Variants in ZNF551 observed in about 807,000 individuals in gnomAD.
ZNF551 encodes zinc finger protein 551.
Under a neutral mutation model 7.9 loss-of-function variants are expected in ZNF551, and 5 were observed. The observed-to-expected ratio is 0.63, with a 90% CI of 0.33 to 1.33. The LOEUF is 1.33. Ranked by LOEUF, ZNF551 falls within the 40% of genes most tolerant of loss-of-function variation. The pLI is 0.05. For missense variants in ZNF551, 788 were observed against 825.2 expected, an observed-to-expected ratio of 0.95 and a Z score of 0.55; for synonymous variants, 287 against 277.3, an observed-to-expected ratio of 1.03 and a Z score of -0.35.
intron 1 of ZNF551, 84 bp from the exon 2 acceptor site, chr19:57,685,178 G>T: frequency 1.9e-6 from 3 of 1,569,170 alleles, no homozygotes; most frequent in Non-Finnish European, 2.6e-6. Context: ...GTGGGCAATA[G>T]GGTGACCTGG....
rs1984730957 is a variant in ZNF551 at position 57,690,492 on chromosome 19, T to C, written c.*2204T>C. 2.6e-5 allele frequency: 4 copies of C among 152,178 alleles called. No homozygotes were observed. The allele number at this position is 152,178 out of a possible 1,614,324, so 9.4% of individuals were successfully genotyped here. A position where few individuals can be genotyped will look rare whatever the true frequency, so the allele number is the denominator to read the frequency against. ...ATATACTTACTGGTTTTCTTCATGC[T>C]GTATAATTATTTTGAGATTCAAAAA... On this transcript the variant is annotated 3_prime_UTR_variant, in exon 3 of 3. Transcript: ENST00000282296.
In ZNF551 at chr19:57,682,235, C is replaced by G. The variant is rs1395893415; in HGVS notation, c.72C>G (p.Asp24Glu). The part of the protein sequence containing the change: ...RSSMAAVALR[D>E]SAQGMTFEDV... Reference sequence around the variant, plus strand: ...CAATGGCGGCAGTCGCGCTGAGGGACTCGGCTCAGGTGAGTTGTGCGTCCT... The same window carrying G: ...CAATGGCGGCAGTCGCGCTGAGGGAGTCGGCTCAGGTGAGTTGTGCGTCCT... The change falls in exon 1 of 3, where the codon GAC becomes GAG. Residue 24 changes from aspartate (D) to glutamate (E), a missense_variant. By Grantham distance (45) the Asp-to-Glu change is conservative. Coordinates refer to ENST00000282296, the MANE Select transcript of ZNF551 (RefSeq NM_138347.5). The G allele has an allele frequency of 6.4e-7, 1 of 1,550,612 alleles. No individual in the cohort carries two copies.
chr19:57,684,171 A>G (rs374688700), intron 1 of ZNF551, among the ~76,000 whole-genome samples: 8 of 152,256 alleles, frequency 5.3e-5, no homozygotes, highest in Admixed American at 3.3e-4. Context: ...CCTTCATGGT[A>G]TGACTTGAGG....
chr19:57,687,724 C>T lies in ZNF551; in HGVS notation c.1449C>T (p.Ser483=), dbSNP rs778004720. 5.6e-6 allele frequency: 9 copies of T among 1,613,880 alleles called. No homozygotes were observed. The highest frequency in any genetic ancestry group is 1.3e-5 in the African/African-American group (1 of 74,868). ...ATGAGTGCAGTGAATGTGAGAAATC[C>T]TTTAGCCGCAAATTTATCCTGATTC... ...RPYECSECEK[S]FSRKFILIQH... Residue 483 remains serine (S), a synonymous_variant, in exon 3 of 3, where the codon TCC becomes TCT. Transcript: ENST00000282296.
intron 1 of ZNF551, 89 bp downstream of exon 1, chr19:57,682,333 C>G: frequency 7.2e-7 from 1 of 1,386,240 alleles, no homozygotes; most frequent in Non-Finnish European, 9.8e-7. Context: ...GCCCTGCAGC[C>G]CAGGCCCCAG....
intron 1 of ZNF551, among the ~76,000 whole-genome samples, 174 bp from the exon 2 acceptor site, chr19:57,685,088 C>T (rs977529146): frequency 1.3e-5 from 2 of 152,122 alleles, no homozygotes; most frequent in Admixed American, 1.3e-4. Context: ...CCTGTTGTTG[C>T]TATTCGAGGA....
Position 57,688,191 on chromosome 19 carries a change from G to T in ZNF551, c.1916G>T (p.Gly639Val). ...DLIQHQRVHT[G>V]ERPYECSECG... ...ATTCAGCACCAAAGAGTTCACACTG[G>T]AGAAAGGCCTTATGAATGCAGTGAA... is the stretch of plus-strand genomic sequence containing the variant. Residue 639 changes from glycine (G) to valine (V), a missense_variant, in exon 3 of 3, where the codon GGA (glycine) becomes GTA (valine). Coordinates refer to ENST00000282296, the MANE Select transcript of ZNF551 (RefSeq NM_138347.5). The T allele has an allele frequency of 6.2e-7, 1 of 1,614,220 alleles. No individual in the cohort carries two copies. Among genetic ancestry groups the T allele is most frequent in the Non-Finnish European group, 8.5e-7 (1 of 1,180,040 alleles).
rs140993258 is a variant in ZNF551, at chr19:57,687,210, G to A, written c.935G>A (p.Arg312His). ...TGERPYECSD[R>H]EKAFIHKSEF... ...GAAAGGCCTTATGAATGCAGTGATC[G>A]TGAGAAAGCCTTTATCCATAAATCT... Residue 312 changes from arginine to histidine, a missense_variant, in exon 3 of 3, where the codon CGT becomes CAT. Physicochemically the swap from Arg to His is conservative, Grantham distance 29. Coordinates refer to ENST00000282296, the MANE Select transcript of ZNF551 (RefSeq NM_138347.5). 2.5e-5 allele frequency: 40 copies of A among 1,614,072 alleles called. No homozygotes were observed. Among genetic ancestry groups the A allele is most frequent in the African/African-American group, 1.5e-4 (11 of 74,932 alleles).
In ZNF551 at chr19:57,686,981, C is replaced by A; in HGVS notation, c.706C>A (p.His236Asn). The A allele has an allele frequency of 1.2e-6, 2 of 1,614,208 alleles. No individual in the cohort carries two copies. Among genetic ancestry groups the A allele is most frequent in the Non-Finnish European group, 1.7e-6 (2 of 1,180,034 alleles). ...GEYRKASSHK[H>N]TLVQHQSVCS... ...ATACAGAAAAGCTTCAAGCCACAAA[C>A]ACACACTTGTTCAGCATCAGAGTGT... The change falls in exon 3 of 3, where the codon CAC becomes AAC. Residue 236 changes from histidine to asparagine, a missense_variant. Physicochemically the swap from His to Asn is moderately conservative, Grantham distance 68. Transcript: ENST00000282296.
rs1984566968 is a variant in ZNF551, at chr19:57,686,706, G to A, written c.431G>A (p.Ser144Asn). ...ACAAGCATGAGAGGCTTCTGCTTCA[G>A]TGCTGACCTTCACCAGCATCAAAAG... ...GSTSMRGFCF[S>N]ADLHQHQKHY... The change falls in exon 3 of 3, where the codon AGT becomes AAT. Residue 144 changes from serine to asparagine, a missense_variant. Ser to Asn is a conservative substitution (Grantham distance 46). Coordinates refer to ENST00000282296, the MANE Select transcript of ZNF551 (RefSeq NM_138347.5). The A allele has an allele frequency of 1.2e-6, 2 of 1,614,090 alleles. No homozygotes were observed. The highest frequency in any genetic ancestry group is 1.7e-5 in the Admixed American group (1 of 60,006).
Position 57,690,474 on chromosome 19 carries a change from TACTG to T in ZNF551, c.*2187_*2190del, listed in dbSNP as rs1441194085. 1.3e-5 allele frequency: 2 copies of T among 152,084 alleles called. No homozygotes were observed. The highest frequency in any genetic ancestry group is 2.9e-5 in the Non-Finnish European group (2 of 68,006). The allele number at this position is 152,084 out of a possible 1,614,324, so 9.4% of individuals were successfully genotyped here. On this transcript the variant is annotated 3_prime_UTR_variant, in exon 3 of 3. Transcript: ENST00000282296. ...ATGTGTGTGTGTATATATATATACT[TACTG>T]GTTTTCTTCATGCTGTATAATTATT...
chr19:57,687,843 G>T lies in ZNF551; in HGVS notation c.1568G>T (p.Arg523Ile), dbSNP rs780116235. The T allele has an allele frequency of 6.2e-7, 1 of 1,614,172 alleles. No homozygotes were observed. Among genetic ancestry groups the T allele is most frequent in the Admixed American group, 1.7e-5 (1 of 60,024 alleles). The change falls in exon 3 of 3, where the codon AGA becomes ATA. Residue 523 changes from arginine to isoleucine, a missense_variant. Arg to Ile is a moderately conservative substitution (Grantham distance 97). Coordinates refer to ENST00000282296, the MANE Select transcript of ZNF551 (RefSeq NM_138347.5). ...TRKSDLIQHRRIHTGTRPYEC... is the reference protein window; with the variant it reads ...TRKSDLIQHRIIHTGTRPYEC... The stretch of plus-strand genomic sequence containing the variant: ...AAATCTGACCTCATTCAACACCGGA[G>T]AATTCATACTGGCACAAGACCTTAT...
chr19:57,687,918 A>G lies in ZNF551; in HGVS notation c.1643A>G (p.Gln548Arg). 6.2e-7 allele frequency: 1 copy of G among 1,614,210 alleles called. No individual in the cohort carries two copies. The highest frequency in any genetic ancestry group is 1.3e-5 in the African/African-American group (1 of 75,062). ...KSFRQRSGLI[Q>R]HRRLHTGERP... Reference sequence around the variant, plus strand: ...TTTAGACAGCGCTCTGGCCTCATTCAGCACCGGAGACTTCATACTGGAGAA... The same window carrying G: ...TTTAGACAGCGCTCTGGCCTCATTCGGCACCGGAGACTTCATACTGGAGAA... The change falls in exon 3 of 3, where the codon CAG (glutamine) becomes CGG (arginine). Residue 548 changes from glutamine to arginine, a missense_variant. Transcript: ENST00000282296.
rs1984610776 is a variant in ZNF551, at chr19:57,687,517, T to C, written c.1242T>C (p.Thr414=). 6.2e-7 allele frequency: 1 copy of C among 1,614,066 alleles called. No homozygotes were observed. The highest frequency in any genetic ancestry group is 1.3e-5 in the African/African-American group (1 of 74,934). ...TCATTCGACATAGAAGAGTTCACAC[T>C]GGAGAAATGCCTTATCAGTGCAGTG... ...FNLIRHRRVH[T]GEMPYQCSDC... is the part of the protein sequence containing the mutation. The change falls in exon 3 of 3, where the codon ACT becomes ACC. Residue 414 remains threonine (T), a synonymous_variant. Transcript: ENST00000282296.
At chr19:57,683,783 A>G (rs912381322) in intron 1 of ZNF551, among the ~76,000 whole-genome samples, 5 of 152,166 alleles carry the variant, frequency 3.3e-5, no homozygotes, top group African/African-American at 7.2e-5. Context: ...CATGTGGCCA[A>G]GGCTTCTCAG....
Position 57,686,527 on chromosome 19 carries a change from T to G in ZNF551, c.252T>G (p.Ser84Arg), listed in dbSNP as rs909316840. 2 of 1,614,022 alleles carry G rather than the reference T, an allele frequency of 1.2e-6. No homozygotes were observed. The highest frequency in any genetic ancestry group is 1.7e-6 in the Non-Finnish European group (2 of 1,179,944). Residue 84 changes from serine (S) to arginine (R), a missense_variant, in exon 3 of 3, where the codon AGT becomes AGG. Transcript: ENST00000282296. ...ATGAGGCGATAGCTTCTGAGCAGAG[T>G]GTATCTATACAGGTCAGGACTTCTA... is the stretch of plus-strand genomic sequence containing the variant. ...MENEAIASEQSVSIQVRTSKG... is the reference protein window; with the variant it reads ...MENEAIASEQRVSIQVRTSKG...
At chr19:57,686,310 C>T (rs78289279) in intron 2 of ZNF551, among the ~76,000 whole-genome samples, 171 bp from the exon 3 acceptor site, 3,311 of 152,292 alleles carry the variant, frequency 0.022, 132 homozygotes, top group African/African-American at 0.075. Context: ...GAGATGACAT[C>T]TCTAAAATCT....
At position 57,682,033 on chromosome 19, in the gene ZNF551, G is replaced by C; in HGVS notation, c.-131G>C. ...TTTTGGCCTCTGTCCTGTTTGTCCA[G>C]CCCGCCAGTTTCTGCAGTGGAGGTC... On this transcript the variant is annotated 5_prime_UTR_variant, in exon 1 of 3. Transcript: ENST00000282296. 3 of 989,448 alleles carry C rather than the reference G, an allele frequency of 3.0e-6. No homozygotes were observed. Among genetic ancestry groups the C allele is most frequent in the East Asian group, 5.5e-5 (2 of 36,232 alleles). The allele number at this position is 989,448 out of a possible 1,614,324, so 61.3% of individuals were successfully genotyped here.
chr19:57,689,890 G>T lies in ZNF551; in HGVS notation c.*1602G>T, dbSNP rs959872445. 6.6e-6 allele frequency: 1 copy of T among 152,196 alleles called. No individual in the cohort carries two copies. The highest frequency in any genetic ancestry group is 1.5e-5 in the Non-Finnish European group (1 of 68,050). The allele number at this position is 152,196 out of a possible 1,614,324, so 9.4% of individuals were successfully genotyped here. ...CCTCAAGGCCATTGCTATGCAGGTA[G>T]GAGAACAAGAATAGAGAGAAGGATC... On this transcript the variant is annotated 3_prime_UTR_variant, in exon 3 of 3. Coordinates refer to ENST00000282296, the MANE Select transcript of ZNF551 (RefSeq NM_138347.5).
Sources: allele counts gnomAD v4.1 joint callset (sites outside exome capture counted in the v4.1 genomes callset), GRCh38; gene constraint gnomAD v4.1.1; transcripts MANE v1.5; gene names NCBI Gene and HGNC (gene_info 2026-07-23, HGNC 2026-07-21).